GSDMC: variants seen among roughly 807,000 people sequenced by gnomAD.
GSDMC encodes gasdermin-C.
A neutral mutation model predicts 58.0 loss-of-function variants in GSDMC; 59 were observed. The ratio of observed to expected loss-of-function variants is 1.02; its 90% CI spans 0.82 to 1.26. The LOEUF (loss-of-function observed/expected upper bound fraction) is 1.26, where lower values mean the gene tolerates loss of function less well. Among genes scored for constraint, GSDMC ranks in the 50% most tolerant of loss-of-function variants. GSDMC has a pLI of 0.00. For missense variants in GSDMC, 659 were observed against 598.5 expected, an observed-to-expected ratio of 1.10 and a Z score of -1.06; for synonymous variants, 241 against 220.2, an observed-to-expected ratio of 1.09 and a Z score of -0.83.
intron 1 of GSDMC, among the ~76,000 whole-genome samples, chr8:129,780,041 A>C (rs1002633436): frequency 1.3e-5 from 2 of 152,238 alleles, no homozygotes; most frequent in African/African-American, 4.8e-5. Flanking sequence ...AGGAAGAATC[A>C]GTGATCTTGA....
downstream of GSDMC, chr8:129,748,138 G>A (rs1419354651): frequency 6.3e-6 from 1 of 158,922 alleles, no homozygotes; most frequent in Non-Finnish European, 1.4e-5. Flanking sequence ...GCATTTCAAT[G>A]TAAGTTACCG....
At chr8:129,747,075 C>A (rs1037244869), downstream of GSDMC, among the ~76,000 whole-genome samples, 1 of 151,310 alleles carries the variant, frequency 6.6e-6, no homozygotes, top group Non-Finnish European at 1.5e-5. Context: ...CATGGTGAAA[C>A]CCTGTCTGTA....
At chr8:129,750,184 G>A (rs2033125567) in intron 11 of GSDMC, 65 bp from the exon 12 acceptor site, 2 of 1,285,812 alleles carry the variant, frequency 1.6e-6, no homozygotes, top group East Asian at 2.6e-5. Context: ...TAATTTGCCT[G>A]TGTCTACTGG....
the GSDMC span, among the ~76,000 whole-genome samples, chr8:129,727,523 A>G: frequency 6.6e-6 from 1 of 152,220 alleles, no homozygotes; most frequent in East Asian, 1.9e-4. Context: ...GGATCCGAGA[A>G]AGACAGGCCG....
intron 3 of GSDMC, among the ~76,000 whole-genome samples, chr8:129,772,714 T>C (rs547493966): frequency 1.8e-4 from 27 of 152,282 alleles, no homozygotes; most frequent in African/African-American, 5.5e-4. Flanking sequence ...TTAATATCAA[T>C]CCTGCTCAAA....
At position 129,748,608 on chromosome 8, in the gene GSDMC, T is replaced by C; in HGVS notation, c.1420A>G (p.Arg474Gly). Residue 474 changes from arginine (R) to glycine (G), a missense_variant, in exon 14 of 14, where the codon AGG (arginine) becomes GGG (glycine). Coordinates refer to ENST00000276708, the MANE Select transcript of GSDMC (RefSeq NM_031415.3). ...GACCTGGGGTTATCCAGCTCCATCC[T>C]AAGGCCACACTCCTCCAGCAGGCCA... is the stretch of plus-strand genomic sequence containing the variant. ...TYGLLEECGL[R>G]MELDNPRSTW... 1.2e-6 allele frequency: 2 copies of C among 1,613,450 alleles called. No individual in the cohort carries two copies. Among genetic ancestry groups the C allele is most frequent in the Middle Eastern group, 1.7e-4 (1 of 6,058 alleles).
Position 129,768,743 on chromosome 8 carries a change from C to T in GSDMC, c.405-2950G>A, listed in dbSNP as rs80184849. 6.6e-4 allele frequency among the ~76,000 whole-genome samples: 101 copies of T among 152,136 alleles called. No individual in the cohort carries two copies. The East Asian group carries it at 0.018, about 27-fold the overall frequency. ...TCAAGTGAAACAAAAAAATATTCTCCAGAAACATAAGAGAGTGAGAAAGAG... is the reference window on the plus strand; with the variant it reads ...TCAAGTGAAACAAAAAAATATTCTCTAGAAACATAAGAGAGTGAGAAAGAG... On this transcript the variant is annotated intron_variant, in intron 3 of 13. Coordinates refer to ENST00000276708, the MANE Select transcript of GSDMC (RefSeq NM_031415.3).
At chr8:129,715,193 T>C in the GSDMC span, among the ~76,000 whole-genome samples, 1 of 152,188 alleles carries the variant, frequency 6.6e-6, no homozygotes, top group Non-Finnish European at 1.5e-5. Flanking sequence ...TATGATTTTC[T>C]GGGCAGTAGA....
At chr8:129,723,195 G>C in the GSDMC span, among the ~76,000 whole-genome samples, 61 of 152,044 alleles carry the variant, frequency 4.0e-4, no homozygotes, top group Admixed American at 4.0e-3. Flanking sequence ...CTCACCCTCT[G>C]CACTGCTAGG....
chr8:129,785,236 C>T (rs920700480), intron 1 of GSDMC, among the ~76,000 whole-genome samples: 5 of 151,734 alleles, frequency 3.3e-5, no homozygotes, highest in East Asian at 1.9e-4. Flanking sequence ...TCCTGTCATT[C>T]GCAACAACAT....
At chr8:129,761,552 A>C (rs956562782) in intron 5 of GSDMC, among the ~76,000 whole-genome samples, 2 of 152,174 alleles carry the variant, frequency 1.3e-5, no homozygotes, top group Non-Finnish European at 2.9e-5. Flanking sequence ...GTCTTCTTTT[A>C]TCTGACCACA....
chr8:129,776,300 G>C lies in GSDMC; in HGVS notation c.221-15C>G. The stretch of plus-strand genomic sequence containing the variant: ...CACAACAGTTTCTGGGGAAAGAAAA[G>C]ACGACCATAGGTTTAGCCAAGAATT... On this transcript the variant is annotated splice_polypyrimidine_tract_variant and intron_variant, in intron 2 of 13. Coordinates refer to ENST00000276708, the MANE Select transcript of GSDMC (RefSeq NM_031415.3). The C allele has an allele frequency of 6.3e-7, 1 of 1,586,948 alleles. No individual in the cohort carries two copies. Among genetic ancestry groups the C allele is most frequent in the Non-Finnish European group, 8.6e-7 (1 of 1,166,436 alleles).
In GSDMC at chr8:129,748,587, T is replaced by C. The variant is rs750123614; in HGVS notation, c.1441A>G (p.Arg481Gly). 6 of 1,613,550 alleles carry C rather than the reference T, an allele frequency of 3.7e-6. No homozygotes were observed. The Admixed American group carries it at 8.3e-5, about 22-fold the overall frequency. The change falls in exon 14 of 14, where the codon AGG (arginine) becomes GGG (glycine). Residue 481 changes from arginine (R) to glycine (G), a missense_variant. Physicochemically the swap from Arg to Gly is moderately radical, Grantham distance 125 (BLOSUM62 -2). Transcript: ENST00000276708. ...TTTGCTTCTACATCCCAGGTTGACC[T>C]GGGGTTATCCAGCTCCATCCTAAGG... ...CGLRMELDNP[R>G]STWDVEAKMP...
chr8:129,711,289 T>G, the GSDMC span, among the ~76,000 whole-genome samples: 1 of 152,220 alleles, frequency 6.6e-6, no homozygotes, highest in Non-Finnish European at 1.5e-5. Flanking sequence ...CTTATCCATG[T>G]CATCTAGTTG....
chr8:129,721,814 C>T, the GSDMC span, among the ~76,000 whole-genome samples: 2 of 152,310 alleles, frequency 1.3e-5, no homozygotes, highest in East Asian at 3.9e-4. Flanking sequence ...GGATACCTCA[C>T]TCATGGTTCC....
At chr8:129,747,520 A>G (rs61503621), downstream of GSDMC, among the ~76,000 whole-genome samples, 48,716 of 151,936 alleles carry the variant, frequency 0.32, 11,129 homozygotes, top group African/African-American at 0.63. Context: ...TTGTCATGTG[A>G]AAATGTCAGC....
Position 129,748,454 on chromosome 8 carries a change from C to T in GSDMC, c.*47G>A. 1 of 1,550,430 alleles carries T rather than the reference C, an allele frequency of 6.4e-7. No individual in the cohort carries two copies. Among genetic ancestry groups the T allele is most frequent in the Non-Finnish European group, 8.7e-7 (1 of 1,151,240 alleles). On this transcript the variant is annotated 3_prime_UTR_variant, in exon 14 of 14. Coordinates refer to ENST00000276708, the MANE Select transcript of GSDMC (RefSeq NM_031415.3). ...CCCATAAGGACACTCACAGCATAGA[C>T]TGGGCGAGGGCCAGCATCTCTGGAC...
the GSDMC span, among the ~76,000 whole-genome samples, chr8:129,706,186 T>A: frequency 2.0e-5 from 3 of 152,142 alleles, no homozygotes; most frequent in African/African-American, 7.2e-5. Flanking sequence ...CATTCCAGAT[T>A]TTCTATTTCT....
chr8:129,784,925 G>C (rs948127503), intron 1 of GSDMC, among the ~76,000 whole-genome samples: 1 of 152,178 alleles, frequency 6.6e-6, no homozygotes, highest in Non-Finnish European at 1.5e-5. Flanking sequence ...AAAAAAGAAT[G>C]AGATTGGCTG....
Sources: gnomAD v4.1 joint callset for allele counts (sites outside exome capture counted in the v4.1 genomes callset) on GRCh38, gnomAD v4.1.1 for gene constraint, MANE v1.5 for transcripts, NCBI Gene and HGNC (gene_info 2026-07-23, HGNC 2026-07-21) for gene names.